Variants in SLC4A7 observed in about 807,000 individuals in gnomAD.
SLC4A7 encodes the protein solute carrier family 4 member 7.
In SLC4A7, 51 loss-of-function variants were observed where a neutral mutation model predicts 137.6. The ratio of observed to expected loss-of-function variants is 0.37; its 90% CI spans 0.30 to 0.47. The LOEUF is 0.47. Ranked by LOEUF, SLC4A7 falls within the 20% of genes least tolerant of loss-of-function variation. The pLI is 1.00. For synonymous variants in SLC4A7, 542 were observed against 518.6 expected (o/e 1.05, Z -0.61); for missense variants, 1,247 against 1,525.4 (o/e 0.82, Z 3.04).
chr3:27,415,416 C>G (rs1234510037), intron 11 of SLC4A7, among the ~76,000 whole-genome samples: 1 of 152,202 alleles, frequency 6.6e-6, no homozygotes, highest in Non-Finnish European at 1.5e-5. Context: ...GTAGTCAAGA[C>G]CATAAATTGG....
chr3:27,390,217 A>T, intron 21 of SLC4A7, 113 bp from the exon 22 acceptor site: 1 of 367,906 alleles, frequency 2.7e-6, no homozygotes, highest in Non-Finnish European at 4.8e-6. Flanking sequence ...CTTCCTTGAC[A>T]TTTTCTGATA....
chr3:27,389,099 T>A (rs1032137672), intron 22 of SLC4A7, among the ~76,000 whole-genome samples: 2 of 152,094 alleles, frequency 1.3e-5, no homozygotes, highest in African/African-American at 4.8e-5. Context: ...ATTGATTTTT[T>A]TAAAAAAAAC....
chr3:27,456,712 G>A, intron 1 of SLC4A7: 1 of 1,609,254 alleles, frequency 6.2e-7, no homozygotes, highest in South Asian at 1.1e-5. Flanking sequence ...TGTTTCTGAT[G>A]ATGTAATGCA....
chr3:27,419,526 G>A (rs1306996727), intron 10 of SLC4A7, among the ~76,000 whole-genome samples: 1 of 151,210 alleles, frequency 6.6e-6, no homozygotes, highest in Non-Finnish European at 1.5e-5. Flanking sequence ...AGTAGAGATG[G>A]GGTTTCACCA....
intron 8 of SLC4A7, among the ~76,000 whole-genome samples, chr3:27,423,375 A>G (rs561680402): frequency 6.6e-6 from 1 of 152,328 alleles, no homozygotes; most frequent in East Asian, 1.9e-4. Context: ...GATAGAATCA[A>G]TTGTTCATAA....
In SLC4A7 at chr3:27,448,802, TA is replaced by T; in HGVS notation, c.143-6del. 2 of 1,570,938 alleles carry T rather than the reference TA, an allele frequency of 1.3e-6. No individual in the cohort carries two copies. Among genetic ancestry groups the T allele is most frequent in the East Asian group, 2.3e-5 (1 of 43,404 alleles). On this transcript the variant is annotated splice_polypyrimidine_tract_variant and splice_region_variant and intron_variant, in intron 2 of 25. Transcript: ENST00000454389. The stretch of plus-strand genomic sequence containing the variant: ...CAATATATACAGCTCTATGACCTAT[TA>T]AAAGGTTCAGAAACATATTACTAGC...
chr3:27,391,058 G>C (rs2150080324), intron 21 of SLC4A7, among the ~76,000 whole-genome samples: 1 of 152,278 alleles, frequency 6.6e-6, no homozygotes, highest in Non-Finnish European at 1.5e-5. Flanking sequence ...CCTGGCCTCA[G>C]GTGATACTCC....
chr3:27,440,198 G>A (rs750917463), intron 3 of SLC4A7, among the ~76,000 whole-genome samples: 1 of 152,130 alleles, frequency 6.6e-6, no homozygotes, highest in African/African-American at 2.4e-5. Flanking sequence ...AAATCACGGT[G>A]TTGGCAGGGC....
intron 6 of SLC4A7, 71 bp from the exon 7 acceptor site, chr3:27,431,740 A>C (rs1353252325): frequency 6.9e-7 from 1 of 1,453,968 alleles, no homozygotes; most frequent in African/African-American, 1.4e-5. Flanking sequence ...TTTAAAAAAA[A>C]ATCAATTTAC....
chr3:27,431,785 C>G (rs2056324178), intron 6 of SLC4A7, 116 bp from the exon 7 acceptor site: 1 of 1,036,614 alleles, frequency 9.6e-7, no homozygotes, highest in Non-Finnish European at 1.3e-6. Context: ...CCCAAAATTT[C>G]AAAGTCATGT....
rs770132652 is a variant in SLC4A7, at chr3:27,411,718, C to G, written c.1690G>C (p.Gly564Arg). 5.8e-6 allele frequency: 9 copies of G among 1,547,006 alleles called. No individual in the cohort carries two copies. In the Admixed American group the frequency reaches 1.1e-4, roughly 20 times the overall value. The change falls in exon 12 of 26, where the codon GGA becomes CGA. Residue 564 changes from glycine (G) to arginine (R), a missense_variant. Physicochemically the swap from Gly to Arg is moderately radical, Grantham distance 125. Transcript: ENST00000454389. ...EKRKIPVFHNGSTPTLGETPK... is the reference protein window; with the variant it reads ...EKRKIPVFHNRSTPTLGETPK... Reference sequence around the variant, plus strand: ...GTCTCACCCAGTGTGGGGGTAGATCCATTGTGAAACACAGGAATCTTTCTC... The same window carrying G: ...GTCTCACCCAGTGTGGGGGTAGATCGATTGTGAAACACAGGAATCTTTCTC...
At chr3:27,435,386 T>C (rs2056653012) in intron 5 of SLC4A7, among the ~76,000 whole-genome samples, 1 of 152,182 alleles carries the variant, frequency 6.6e-6, no homozygotes, top group African/African-American at 2.4e-5. Context: ...TTGCTTAGAC[T>C]GTTCCTAGCC....
chr3:27,460,452 T>C lies in SLC4A7; in HGVS notation c.61-7954A>G, dbSNP rs551858467. On this transcript the variant is annotated intron_variant, in intron 1 of 25. Transcript: ENST00000454389. ...AACTGAAAACTCATATTAAAAAGCATCTGAAGTACTAGAATTAAATACTGT... is the reference window on the plus strand; with the variant it reads ...AACTGAAAACTCATATTAAAAAGCACCTGAAGTACTAGAATTAAATACTGT... Among the ~76,000 whole-genome samples, 4 of 152,350 alleles carry C rather than the reference T, an allele frequency of 2.6e-5. No homozygotes were observed. The South Asian group carries it at 8.3e-4, about 32-fold the overall frequency.
chr3:27,478,057 A>C (rs1299662308), intron 1 of SLC4A7, among the ~76,000 whole-genome samples: 3 of 152,198 alleles, frequency 2.0e-5, no homozygotes, highest in Admixed American at 2.0e-4. Flanking sequence ...CAGCTTTTCC[A>C]AATTGGGAAA....
intron 1 of SLC4A7, among the ~76,000 whole-genome samples, chr3:27,472,304 G>A (rs189259476): frequency 7.8e-4 from 119 of 152,220 alleles, no homozygotes; most frequent in African/African-American, 2.8e-3. Flanking sequence ...TAAATTGAAT[G>A]CAGCTGGTTT....
rs557531247 is a variant in SLC4A7, at chr3:27,425,451, C to T, written c.1151-1299G>A. 5.5e-4 allele frequency among the ~76,000 whole-genome samples: 81 copies of T among 147,432 alleles called. 3 individuals are homozygous for T. The South Asian group carries it at 0.015, about 28-fold the overall frequency. On this transcript the variant is annotated intron_variant, in intron 7 of 25. Coordinates refer to ENST00000454389, the MANE Select transcript of SLC4A7 (RefSeq NM_001321103.2). ...CAGCACTTTGGAAGGTCAAGGCGGA[C>T]GGATCACCTGAGGCTGGGAGTTCGA...
At position 27,433,479 on chromosome 3, in the gene SLC4A7, T is replaced by C. The variant is rs2056485107; in HGVS notation, c.778+437A>G. ...AGTAGAAAGGTGGAATATGTAGACC[T>C]GGGTCTGAGCCATTCTCAATGGATT... On this transcript the variant is annotated intron_variant, in intron 6 of 25. Coordinates refer to ENST00000454389, the MANE Select transcript of SLC4A7 (RefSeq NM_001321103.2). Among the ~76,000 whole-genome samples, 3 of 152,294 alleles carry C rather than the reference T, an allele frequency of 2.0e-5. No individual in the cohort carries two copies. In the South Asian group the frequency reaches 6.2e-4, roughly 32 times the overall value.
chr3:27,481,206 G>C (rs1400805324), intron 1 of SLC4A7, among the ~76,000 whole-genome samples: 2 of 152,050 alleles, frequency 1.3e-5, no homozygotes, highest in African/African-American at 4.8e-5. Flanking sequence ...TTCCAAGTGA[G>C]GCTTACAATT....
intron 3 of SLC4A7, among the ~76,000 whole-genome samples, chr3:27,445,963 A>T (rs866974101): frequency 5.6e-4 from 21 of 37,508 alleles, no homozygotes; most frequent in African/African-American, 2.0e-3. Flanking sequence ...AAAAAAAAAA[A>T]ATATATATAT....
Sources: gnomAD v4.1 joint callset for allele counts (sites outside exome capture counted in the v4.1 genomes callset) on GRCh38, gnomAD v4.1.1 for gene constraint, MANE v1.5 for transcripts, NCBI Gene and HGNC (gene_info 2026-07-23, HGNC 2026-07-21) for gene names.